Variants in SLC25A1 observed in about 807,000 individuals in gnomAD.
SLC25A1 encodes the protein solute carrier family 25 member 1, also known as tricarboxylate transport protein, mitochondrial.
Under a neutral mutation model 38.1 loss-of-function variants are expected in SLC25A1, and 26 were observed. That is an observed-to-expected ratio of 0.68 (90% CI 0.50 to 0.95). SLC25A1 has a LOEUF of 0.95. SLC25A1 is among the 40% of genes least tolerant of loss of function. SLC25A1 has a pLI of 0.00. For missense variants in SLC25A1, 378 were observed against 426.6 expected (o/e 0.89, Z 1.00); for synonymous variants, 211 against 183.2 (o/e 1.15, Z -1.23).
In SLC25A1 at chr22:19,176,927, G is replaced by A. The variant is rs199588991; in HGVS notation, c.550C>T (p.Leu184Phe). Reference sequence around the variant, plus strand: ...CCCTGCTTCAGGACAGTGGCTGTGAGGCCCTGGTACGTCCCCTTCAGCCCT... The same window carrying A: ...CCCTGCTTCAGGACAGTGGCTGTGAAGCCCTGGTACGTCCCCTTCAGCCCT... ...EQGLKGTYQG[L>F]TATVLKQGSN... Residue 184 changes from leucine (L) to phenylalanine (F), a missense_variant, in exon 6 of 9, where the codon CTC becomes TTC. Transcript: ENST00000215882. The A allele has an allele frequency of 1.1e-4, 171 of 1,613,538 alleles. No individual in the cohort carries two copies. Among genetic ancestry groups the A allele is most frequent in the Non-Finnish European group, 1.3e-4 (158 of 1,180,022 alleles).
Position 19,176,862 on chromosome 22 carries a change from C to A in SLC25A1, c.615G>T (p.Leu205=), listed in dbSNP as rs387907478. Residue 205 remains leucine, a synonymous_variant, in exon 6 of 9, where the codon CTG becomes CTT. Transcript: ENST00000215882. ...CAGACACACCTCGGTACCAGTTGCG[C>A]AGGGAGGTCATGACGAAGAAGCGGA... is the stretch of plus-strand genomic sequence containing the variant. ...QAIRFFVMTS[L]RNWYRGDNPN... The A allele has an allele frequency of 1.2e-6, 2 of 1,613,738 alleles. No individual in the cohort carries two copies. Among genetic ancestry groups the A allele is most frequent in the African/African-American group, 2.7e-5 (2 of 74,914 alleles).
intron 4 of SLC25A1, 70 bp from the exon 5 acceptor site, chr22:19,177,274 CAG>C (rs2083975771): frequency 1.5e-6 from 2 of 1,308,334 alleles, no homozygotes; most frequent in Non-Finnish European, 2.2e-6. Context: ...CTGGCAGGCC[CAG>C]GGCCCATCCA....
Position 19,175,937 on chromosome 22 carries a change from GAC to G in SLC25A1, c.*191_*192del, listed in dbSNP as rs2083952331. On this transcript the variant is annotated 3_prime_UTR_variant, in exon 9 of 9. Transcript: ENST00000215882. ...CAGCCATGGCTGGGCCAGACACTGG[GAC>G]ACAGTGGTGGTGTCACACACAGACC... 4.2e-6 allele frequency: 1 copy of G among 239,168 alleles called. No individual in the cohort carries two copies. Among genetic ancestry groups the G allele is most frequent in the Admixed American group, 5.8e-5 (1 of 17,216 alleles). 14.8% of individuals were successfully genotyped at this position (239,168 alleles called of 1,614,324 possible).
In SLC25A1 at chr22:19,178,406, G is replaced by A; in HGVS notation, c.95-166C>T. The A allele has an allele frequency of 7.2e-7, 1 of 1,390,558 alleles. No homozygotes were observed. The highest frequency in any genetic ancestry group is 1.6e-5 in the South Asian group (1 of 61,388). 86.1% of individuals were successfully genotyped at this position (1,390,558 alleles called of 1,614,324 possible). On this transcript the variant is annotated intron_variant, in intron 1 of 8. Transcript: ENST00000215882. The surrounding 1 kb of genome is among the most constrained non-coding windows in gnomAD (Gnocchi z 4.9). ...CCTCACCCCGTTGTCCCGGCGAGGC[G>A]CAGGGGGTGACAGACGGGAGGCGGG... is the stretch of plus-strand genomic sequence containing the variant.
chr22:19,178,342 G>A lies in SLC25A1; in HGVS notation c.95-102C>T, dbSNP rs2276467. 0.011 allele frequency: 16,683 copies of A among 1,507,196 alleles called. 286 individuals carry two copies. Among genetic ancestry groups the A allele is most frequent in the East Asian group, 0.069 (2,662 of 38,692 alleles). 93.4% of individuals were successfully genotyped at this position (1,507,196 alleles called of 1,614,324 possible). On this transcript the variant is annotated intron_variant, in intron 1 of 8. Transcript: ENST00000215882. This position sits in a 1 kb window ranked among gnomAD's most constrained non-coding sequence, Gnocchi z 4.9. Reference sequence around the variant, plus strand: ...CGGTCGGCGCGGCCGCCGCGCCAGTGCCGCGGGGAACATAGGCTGGGGCCC... The same window carrying A: ...CGGTCGGCGCGGCCGCCGCGCCAGTACCGCGGGGAACATAGGCTGGGGCCC...
chr22:19,176,048 A>G lies in SLC25A1; in HGVS notation c.*82T>C, dbSNP rs1555922155. ...GGGACGTGGGAAGGGGCCTTTTGGCACTACTGCACTGGAATCGTGAGACAA... is the reference window on the plus strand; with the variant it reads ...GGGACGTGGGAAGGGGCCTTTTGGCGCTACTGCACTGGAATCGTGAGACAA... On this transcript the variant is annotated 3_prime_UTR_variant, in exon 9 of 9. Coordinates refer to ENST00000215882, the MANE Select transcript of SLC25A1 (RefSeq NM_005984.5). 1 of 1,108,544 alleles carries G rather than the reference A, an allele frequency of 9.0e-7. No individual in the cohort carries two copies. The highest frequency in any genetic ancestry group is 2.1e-5 in the African/African-American group (1 of 48,040). The allele number at this position is 1,108,544 out of a possible 1,614,324, so 68.7% of individuals were successfully genotyped here.
chr22:19,178,180 T>C lies in SLC25A1; in HGVS notation c.155A>G (p.Gln52Arg). 1 of 1,552,252 alleles carries C rather than the reference T, an allele frequency of 6.4e-7. No individual in the cohort carries two copies. The highest frequency in any genetic ancestry group is 8.7e-7 in the Non-Finnish European group (1 of 1,148,980). Reference sequence around the variant, plus strand: ...GTGCGAGCGCTCGTCCAGCTGCAGCTGCGTCTTCACGTACTCGGTGGGGAA... The same window carrying C: ...GTGCGAGCGCTCGTCCAGCTGCAGCCGCGTCTTCACGTACTCGGTGGGGAA... Reference protein sequence around the residue: ...ITFPTEYVKTQLQLDERSHPP... With the variant: ...ITFPTEYVKTRLQLDERSHPP... Residue 52 changes from glutamine (Q) to arginine (R), a missense_variant, in exon 2 of 9, where the codon CAG (glutamine) becomes CGG (arginine). Gln to Arg is a conservative substitution (Grantham distance 43). Transcript: ENST00000215882. The surrounding 1 kb of genome is among the most constrained non-coding windows in gnomAD (Gnocchi z 4.9).
chr22:19,177,060 C>G, intron 5 of SLC25A1, 60 bp downstream of exon 5: 1 of 1,584,512 alleles, frequency 6.3e-7, no homozygotes, highest in Non-Finnish European at 8.7e-7. Context: ...ATGGGAGGTG[C>G]AGGCCCTTCC....
At position 19,178,550 on chromosome 22, in the gene SLC25A1, G is replaced by T; in HGVS notation, c.94+30C>A. On this transcript the variant is annotated intron_variant, in intron 1 of 8. Coordinates refer to ENST00000215882, the MANE Select transcript of SLC25A1 (RefSeq NM_005984.5). The surrounding 1 kb of genome is among the most constrained non-coding windows in gnomAD (Gnocchi z 4.9). ...CCGGGCCCACCCAGAAGCGCGGCGG[G>T]AGAGGGGTCCGCGTCCCGGAGGGGC... The T allele has an allele frequency of 8.0e-7, 1 of 1,253,120 alleles. No individual in the cohort carries two copies. The highest frequency in any genetic ancestry group is 3.1e-5 in the South Asian group (1 of 32,178). The allele number at this position is 1,253,120 out of a possible 1,614,324, so 77.6% of individuals were successfully genotyped here. A position where few individuals can be genotyped will look rare whatever the true frequency, so the allele number is the denominator to read the frequency against.
In SLC25A1 at chr22:19,178,425, A is replaced by G; in HGVS notation, c.94+155T>C. On this transcript the variant is annotated intron_variant, in intron 1 of 8. Coordinates refer to ENST00000215882, the MANE Select transcript of SLC25A1 (RefSeq NM_005984.5). This position sits in a 1 kb window ranked among gnomAD's most constrained non-coding sequence, Gnocchi z 4.9. ...CGAGGCGCAGGGGGTGACAGACGGG[A>G]GGCGGGCGAGTCCCAGCGCGCCGGG... 2.9e-6 allele frequency: 4 copies of G among 1,376,792 alleles called. No homozygotes were observed. The highest frequency in any genetic ancestry group is 3.7e-6 in the Non-Finnish European group (4 of 1,071,464). 85.3% of individuals were successfully genotyped at this position (1,376,792 alleles called of 1,614,324 possible).
Position 19,178,103 on chromosome 22 carries a change from C to G in SLC25A1, c.202+30G>C. 6.5e-7 allele frequency: 1 copy of G among 1,532,170 alleles called. No homozygotes were observed. Among genetic ancestry groups the G allele is most frequent in the Non-Finnish European group, 8.8e-7 (1 of 1,139,712 alleles). The allele number at this position is 1,532,170 out of a possible 1,614,324, so 94.9% of individuals were successfully genotyped here. Reference sequence around the variant, plus strand: ...GTGCCGCCGCCCTGGGTACCCGCCCCCCGCGGCGCCGCGGCCTCCCCCTCC... The same window carrying G: ...GTGCCGCCGCCCTGGGTACCCGCCCGCCGCGGCGCCGCGGCCTCCCCCTCC... On this transcript the variant is annotated intron_variant, in intron 2 of 8. Coordinates refer to ENST00000215882, the MANE Select transcript of SLC25A1 (RefSeq NM_005984.5). The surrounding 1 kb of genome is among the most constrained non-coding windows in gnomAD (Gnocchi z 4.9).
chr22:19,175,824 C>T lies in SLC25A1; in HGVS notation c.*306G>A. ...AGGGCTACAGGGCCGAGGACCCAGG[C>T]CACACGGGCACCCCGGGAGGCGGGG... is the stretch of plus-strand genomic sequence containing the variant. On this transcript the variant is annotated 3_prime_UTR_variant, in exon 9 of 9. Coordinates refer to ENST00000215882, the MANE Select transcript of SLC25A1 (RefSeq NM_005984.5). 2.5e-6 allele frequency: 1 copy of T among 399,950 alleles called. No individual in the cohort carries two copies. Among genetic ancestry groups the T allele is most frequent in the South Asian group, 2.2e-5 (1 of 46,434 alleles). The allele number at this position is 399,950 out of a possible 1,614,324, so 24.8% of individuals were successfully genotyped here.
intron 8 of SLC25A1, 42 bp from the exon 9 acceptor site, chr22:19,176,286 C>T (rs1555922243): frequency 2.5e-6 from 4 of 1,570,798 alleles, no homozygotes; most frequent in Non-Finnish European, 3.5e-6. Flanking sequence ...CAGGTCAGCA[C>T]AGTGTCCCTG....
In SLC25A1 at chr22:19,177,166, C is replaced by G; in HGVS notation, c.480G>C (p.Lys160Asn). ...FIHDQTSPNPKYRGFFHGVRE... is the reference protein window; with the variant it reads ...FIHDQTSPNPNYRGFFHGVRE... Reference sequence around the variant, plus strand: ...TAACCCCGTGGAAGAATCCTCTGTACTTGGGGTTTGGGGAGGTCTGGTCGT... The same window carrying G: ...TAACCCCGTGGAAGAATCCTCTGTAGTTGGGGTTTGGGGAGGTCTGGTCGT... The change falls in exon 5 of 9, where the codon AAG (lysine) becomes AAC (asparagine). Residue 160 changes from lysine (K) to asparagine (N), a missense_variant. By Grantham distance (94) the Lys-to-Asn change is moderately conservative (BLOSUM62 0). Transcript: ENST00000215882. The G allele has an allele frequency of 6.2e-7, 1 of 1,614,058 alleles. No individual in the cohort carries two copies.
rs782697827 is a variant in SLC25A1, at chr22:19,176,843, C to T, written c.631+3G>A. The T allele has an allele frequency of 1.6e-5, 26 of 1,613,698 alleles. No homozygotes were observed. The highest frequency in any genetic ancestry group is 2.1e-5 in the Non-Finnish European group (25 of 1,179,890). ...GAGATGGGGCCCTGTGATGCAGACA[C>T]ACCTCGGTACCAGTTGCGCAGGGAG... On this transcript the variant is annotated splice_donor_region_variant and intron_variant, in intron 6 of 8. Coordinates refer to ENST00000215882, the MANE Select transcript of SLC25A1 (RefSeq NM_005984.5).
chr22:19,176,849 G>C lies in SLC25A1; in HGVS notation c.628C>G (p.Arg210Gly), dbSNP rs1314351369. 1.9e-6 allele frequency: 3 copies of C among 1,613,528 alleles called. No individual in the cohort carries two copies. Among genetic ancestry groups the C allele is most frequent in the East Asian group, 2.2e-5 (1 of 44,888 alleles). Reference protein sequence around the residue: ...FVMTSLRNWYRGDNPNKPMNP... With the variant: ...FVMTSLRNWYGGDNPNKPMNP... ...GGGCCCTGTGATGCAGACACACCTC[G>C]GTACCAGTTGCGCAGGGAGGTCATG... Residue 210 changes from arginine to glycine, a missense_variant, in exon 6 of 9, where the codon CGA (arginine) becomes GGA (glycine). Coordinates refer to ENST00000215882, the MANE Select transcript of SLC25A1 (RefSeq NM_005984.5).
Position 19,178,338 on chromosome 22 carries a change from C to T in SLC25A1, c.95-98G>A. ...ACTTCGGTCGGCGCGGCCGCCGCGC[C>T]AGTGCCGCGGGGAACATAGGCTGGG... On this transcript the variant is annotated intron_variant, in intron 1 of 8. Transcript: ENST00000215882. The surrounding 1 kb of genome is among the most constrained non-coding windows in gnomAD (Gnocchi z 4.9). 2 of 1,511,206 alleles carry T rather than the reference C, an allele frequency of 1.3e-6. No homozygotes were observed. The highest frequency in any genetic ancestry group is 2.6e-5 in the East Asian group (1 of 38,872). 93.6% of individuals were successfully genotyped at this position (1,511,206 alleles called of 1,614,324 possible).
At position 19,176,546 on chromosome 22, in the gene SLC25A1, CCCCCTTCCCCT is replaced by C. The variant is rs2083963051; in HGVS notation, c.747+21_747+31del. On this transcript the variant is annotated intron_variant, in intron 7 of 8. Coordinates refer to ENST00000215882, the MANE Select transcript of SLC25A1 (RefSeq NM_005984.5). ...CTCAGCAGCTAGCTCTGGCCTGGTC[CCCCCTTCCCCT>C]CCCCTTCCCGGCCCCACCACCTGCA... 3.1e-6 allele frequency: 5 copies of C among 1,611,234 alleles called. No homozygotes were observed. Among genetic ancestry groups the C allele is most frequent in the Non-Finnish European group, 4.2e-6 (5 of 1,177,786 alleles).
chr22:19,176,993 C>T, intron 5 of SLC25A1, 43 bp from the exon 6 acceptor site: 1 of 1,607,682 alleles, frequency 6.2e-7, no homozygotes, highest in Non-Finnish European at 8.5e-7. Context: ...GCCTCTCAGG[C>T]CCCGGTTGGG....
Sources: gnomAD v4.1 joint callset for allele counts on GRCh38, gnomAD v4.1.1 for gene constraint, Gnocchi (gnomAD v3.1) non-coding constraint, MANE v1.5 for transcripts, NCBI Gene and HGNC (gene_info 2026-07-23, HGNC 2026-07-21) for gene names.